The following TBCD variants were observed in gnomAD, a reference collection of about 807,000 sequenced individuals.
TBCD encodes tubulin folding cofactor D, also known as tubulin-specific chaperone D.
Under a neutral mutation model 169.3 loss-of-function variants are expected in TBCD, and 105 were observed. The observed-to-expected ratio is 0.62, with a 90% CI of 0.53 to 0.73. The LOEUF is 0.73. Ranked by LOEUF, TBCD falls within the 30% of genes least tolerant of loss-of-function variation. TBCD has a pLI of 0.00. For missense variants in TBCD, 1,444 were observed against 1,600.1 expected, an observed-to-expected ratio of 0.90 and a Z score of 1.66; for synonymous variants, 700 against 643.9, an observed-to-expected ratio of 1.09 and a Z score of -1.32.
At chr17:82,941,071 T>C (rs1292800222) in intron 37 of TBCD, among the ~76,000 whole-genome samples, 4 of 152,258 alleles carry the variant, frequency 2.6e-5, no homozygotes, top group Non-Finnish European at 4.4e-5. Context: ...AACAGCTAAA[T>C]TAAAACCTGG....
rs1163036886 is a variant in TBCD, at chr17:82,803,350, C to G, written c.950+2354C>G. Among the ~76,000 whole-genome samples the G allele has an allele frequency of 3.3e-5, 5 of 152,240 alleles. No individual in the cohort carries two copies. In the East Asian group the frequency reaches 7.7e-4, roughly 23 times the overall value. On this transcript the variant is annotated intron_variant, in intron 9 of 38. Coordinates refer to ENST00000355528, the MANE Select transcript of TBCD (RefSeq NM_005993.5). ...GCTGGGCCCGGGTCTCCGGGGCCCT[C>G]TGAGGGTTGCACAGTCTCCAAGTTC...
rs2053641685 is a variant in TBCD at position 82,832,882 on chromosome 17, C to T, written c.1318+17948C>T. ...TGATCTGAAAGAGTCACCTCGGGGC[C>T]TAGAGGTGGAGTGTGGTGTGTGGTG... On this transcript the variant is annotated intron_variant, in intron 13 of 38. Coordinates refer to ENST00000355528, the MANE Select transcript of TBCD (RefSeq NM_005993.5). The surrounding 1 kb of genome is among the most constrained non-coding windows in gnomAD (Gnocchi z 4.9). Among the ~76,000 whole-genome samples the T allele has an allele frequency of 6.6e-6, 1 of 152,194 alleles. No homozygotes were observed. The highest frequency in any genetic ancestry group is 6.5e-5 in the Admixed American group (1 of 15,284).
chr17:82,858,615 T>C (rs1051668399), intron 13 of TBCD: 16 of 985,316 alleles, frequency 1.6e-5, no homozygotes, highest in Non-Finnish European at 1.9e-5. Flanking sequence ...GTTCGCTGGG[T>C]GTGCCTCACA....
intron 34 of TBCD, among the ~76,000 whole-genome samples, chr17:82,935,409 T>C (rs942715699): frequency 5.9e-5 from 9 of 152,194 alleles, no homozygotes; most frequent in African/African-American, 1.7e-4. Context: ...TTCATGACCT[T>C]TATAATCCCC....
In TBCD at chr17:82,884,442, G is replaced by A. The variant is rs1428909983; in HGVS notation, c.1533+240G>A. Among the ~76,000 whole-genome samples the A allele has an allele frequency of 6.6e-6, 1 of 152,240 alleles. No individual in the cohort carries two copies. The highest frequency in any genetic ancestry group is 2.4e-5 in the African/African-American group (1 of 41,454). On this transcript the variant is annotated intron_variant, in intron 15 of 38. Transcript: ENST00000355528. This position sits in a 1 kb window ranked among gnomAD's most constrained non-coding sequence, Gnocchi z 4.2. ...CAGAGCTGCAGCCATCACTGCTGGGGGTTGATGGGTGATGGAGGCGAGTGG... is the reference window on the plus strand; with the variant it reads ...CAGAGCTGCAGCCATCACTGCTGGGAGTTGATGGGTGATGGAGGCGAGTGG...
chr17:82,900,045 CAT>C (rs1339277882), intron 17 of TBCD, among the ~76,000 whole-genome samples: 1 of 152,122 alleles, frequency 6.6e-6, no homozygotes, highest in East Asian at 1.9e-4. Flanking sequence ...GTATAATGGG[CAT>C]ATGTTAGCTG....
rs2057848312 is a variant in TBCD at position 82,874,755 on chromosome 17, C to A, written c.1475+4375C>A. Among the ~76,000 whole-genome samples, 1 of 152,250 alleles carries A rather than the reference C, an allele frequency of 6.6e-6. No homozygotes were observed. Among genetic ancestry groups the A allele is most frequent in the Non-Finnish European group, 1.5e-5 (1 of 68,046 alleles). ...TGGTGCGAGCCTCCCTGCCCAGGAG[C>A]CCTGCGCACCCGGGTATCGGTTGGG... On this transcript the variant is annotated intron_variant, in intron 14 of 38. Coordinates refer to ENST00000355528, the MANE Select transcript of TBCD (RefSeq NM_005993.5). The surrounding 1 kb of genome is among the most constrained non-coding windows in gnomAD (Gnocchi z 5.0).
In TBCD at chr17:82,781,650, T is replaced by G. The variant is rs748999969; in HGVS notation, c.700T>G (p.Cys234Gly). Residue 234 changes from cysteine (C) to glycine (G), a missense_variant, in exon 7 of 39, where the codon TGC (cysteine) becomes GGC (glycine). Transcript: ENST00000355528. ...GGCTGAGTTCCTGGACTGGAGCCTGTGCAATCTGGCCCGTTCCTCCTTCCA... is the reference window on the plus strand; with the variant it reads ...GGCTGAGTTCCTGGACTGGAGCCTGGGCAATCTGGCCCGTTCCTCCTTCCA... ...KMAEFLDWSLCNLARSSFQTM... is the reference protein window; with the variant it reads ...KMAEFLDWSLGNLARSSFQTM... The G allele has an allele frequency of 1.2e-6, 2 of 1,613,734 alleles. No homozygotes were observed. Among genetic ancestry groups the G allele is most frequent in the South Asian group, 2.2e-5 (2 of 91,074 alleles).
intron 13 of TBCD, among the ~76,000 whole-genome samples, chr17:82,828,568 A>T (rs2053158252): frequency 7.2e-6 from 1 of 138,274 alleles, no homozygotes; most frequent in African/African-American, 2.7e-5. Flanking sequence ...CCGATTGCAC[A>T]CGTGCACACC....
At chr17:82,802,131 A>G (rs2050616811) in intron 9 of TBCD, among the ~76,000 whole-genome samples, 1 of 75,184 alleles carries the variant, frequency 1.3e-5, no homozygotes, top group African/African-American at 4.6e-5. Flanking sequence ...ACTGTTGGAG[A>G]AAGTGAAACC....
chr17:82,907,501 A>G (rs1471518068), intron 20 of TBCD, among the ~76,000 whole-genome samples: 1 of 152,220 alleles, frequency 6.6e-6, no homozygotes, highest in Non-Finnish European at 1.5e-5. Context: ...TGGGCAACAT[A>G]GTGAGACCCC....
rs754566495 is a variant in TBCD, at chr17:82,922,486, T to C, written c.2178+909T>C. 3.9e-5 allele frequency among the ~76,000 whole-genome samples: 6 copies of C among 152,256 alleles called. No individual in the cohort carries two copies. Among genetic ancestry groups the C allele is most frequent in the Non-Finnish European group, 8.8e-5 (6 of 68,036 alleles). On this transcript the variant is annotated intron_variant, in intron 25 of 38. Coordinates refer to ENST00000355528, the MANE Select transcript of TBCD (RefSeq NM_005993.5). The surrounding 1 kb of genome is among the most constrained non-coding windows in gnomAD (Gnocchi z 4.1). ...TGTAATTCTCTGACTTCCTCCATGC[T>C]TAGCATTTCTTTTTCCTTAGCATCT...
chr17:82,872,300 C>T (rs2057630465), intron 14 of TBCD, among the ~76,000 whole-genome samples: 1 of 152,196 alleles, frequency 6.6e-6, no homozygotes. Context: ...GTGTGGCTTA[C>T]CTGAGGCCAG....
At chr17:82,804,584 C>G (rs1442226429) in intron 9 of TBCD, among the ~76,000 whole-genome samples, 1 of 152,200 alleles carries the variant, frequency 6.6e-6, no homozygotes, top group Non-Finnish European at 1.5e-5. Context: ...CTGTCGGGAC[C>G]CGGTGCCTTG....
In TBCD at chr17:82,909,326, A is replaced by T. The variant is rs1382770361; in HGVS notation, c.2006+19A>T. 6.6e-7 allele frequency: 1 copy of T among 1,522,122 alleles called. No individual in the cohort carries two copies. Among genetic ancestry groups the T allele is most frequent in the Middle Eastern group, 1.7e-4 (1 of 5,780 alleles). 94.3% of individuals were successfully genotyped at this position (1,522,122 alleles called of 1,614,324 possible). ...TATACAGGTGAGCTTTACAAAACCA[A>T]AGTTCTTATATCTGTGTCCTAATGA... is the stretch of plus-strand genomic sequence containing the variant. On this transcript the variant is annotated intron_variant, in intron 22 of 38. Transcript: ENST00000355528.
chr17:82,807,507 C>A (rs575128378), intron 10 of TBCD, 101 bp from the exon 11 acceptor site: 4 of 680,466 alleles, frequency 5.9e-6, no homozygotes, highest in Non-Finnish European at 8.5e-6. Context: ...TAATTCCCTT[C>A]GGCGTGTGCA....
At chr17:82,813,182 G>A (rs1276773988) in intron 12 of TBCD, among the ~76,000 whole-genome samples, 3 of 152,052 alleles carry the variant, frequency 2.0e-5, no homozygotes, top group South Asian at 2.1e-4. Flanking sequence ...AACACCAAAC[G>A]CATCTTTGAG....
chr17:82,938,268 A>T (rs1477161418), intron 36 of TBCD, 132 bp downstream of exon 36: 1 of 1,008,984 alleles, frequency 9.9e-7, no homozygotes, highest in African/African-American at 1.6e-5. Context: ...CGCCTGGGTG[A>T]CGACGCGTCA....
chr17:82,801,489 T>G (rs1227494156), intron 9 of TBCD, among the ~76,000 whole-genome samples: 1 of 141,240 alleles, frequency 7.1e-6, no homozygotes, highest in Non-Finnish European at 1.5e-5. Context: ...GTGTGTCGTG[T>G]GGCTCGGAGT....
Sources: allele counts gnomAD v4.1 joint callset (sites outside exome capture counted in the v4.1 genomes callset), GRCh38; gene constraint gnomAD v4.1.1; non-coding constraint Gnocchi (gnomAD v3.1); transcripts MANE v1.5; gene names NCBI Gene and HGNC (gene_info 2026-07-23, HGNC 2026-07-21).